The following FUT8 variants were observed in gnomAD, a reference collection of about 807,000 sequenced individuals.
FUT8 encodes the protein alpha-(1,6)-fucosyltransferase.
Under a neutral mutation model 71.3 loss-of-function variants are expected in FUT8, and 29 were observed. That is an observed-to-expected ratio of 0.41 (90% CI 0.30 to 0.55). The LOEUF (loss-of-function observed/expected upper bound fraction) is 0.55. FUT8 is among the 20% of genes least tolerant of loss of function. The pLI is 0.34. For synonymous variants in FUT8, 254 were observed against 239.3 expected (o/e 1.06, Z -0.57); for missense variants, 544 against 702.1 (o/e 0.77, Z 2.55).
At position 65,650,316 on chromosome 14, in the gene FUT8, A is replaced by C. The variant is rs542556448; in HGVS notation, c.598-18927A>C. 7.3e-3 allele frequency among the ~76,000 whole-genome samples: 1,086 copies of C among 149,566 alleles called. 18 individuals carry two copies. The highest frequency in any genetic ancestry group is 0.022 in the African/African-American group (906 of 40,860). Reference sequence around the variant, plus strand: ...TCTGTCTCAAAAAAAAAAAAAAAAAAAAAAAAAAAAACCTGAGACTGGGTA... The same window carrying C: ...TCTGTCTCAAAAAAAAAAAAAAAAACAAAAAAAAAAACCTGAGACTGGGTA... On this transcript the variant is annotated intron_variant, in intron 6 of 10. Coordinates refer to ENST00000673929, the MANE Select transcript of FUT8 (RefSeq NM_001371533.1).
chr14:65,677,681 A>T (rs924773233), intron 7 of FUT8, among the ~76,000 whole-genome samples: 6 of 149,760 alleles, frequency 4.0e-5, no homozygotes, highest in African/African-American at 1.0e-4. Context: ...AAGTTTCTTT[A>T]AAAAAAATGG....
chr14:65,376,152 T>C, the FUT8 span, among the ~76,000 whole-genome samples: 2 of 151,812 alleles, frequency 1.3e-5, no homozygotes, highest in Non-Finnish European at 2.9e-5. Context: ...CTGGAAAGCA[T>C]AGAGTAAAAC....
chr14:65,412,031 C>T, upstream of FUT8: 1 of 456,744 alleles, frequency 2.2e-6, no homozygotes, highest in Non-Finnish European at 4.4e-6. Context: ...TCCCCTCTCC[C>T]CGTGCTGTTC....
At chr14:65,614,598 G>A in intron 3 of FUT8, among the ~76,000 whole-genome samples, 1 of 152,250 alleles carries the variant, frequency 6.6e-6, no homozygotes. Context: ...TTGTTTGTTC[G>A]TTCGTTTGCC....
intron 1 of FUT8, among the ~76,000 whole-genome samples, chr14:65,430,747 A>G (rs930992031): frequency 1.3e-5 from 2 of 152,202 alleles, no homozygotes; most frequent in African/African-American, 4.8e-5. Context: ...GTAACATAGC[A>G]AAGAATAGAT....
chr14:65,422,384 A>G (rs1475464903), intron 1 of FUT8, among the ~76,000 whole-genome samples: 1 of 152,190 alleles, frequency 6.6e-6, no homozygotes, highest in African/African-American at 2.4e-5. Flanking sequence ...TCCTGCCTTT[A>G]ATCCTGGTGC....
At chr14:65,725,457 C>T (rs539392548) in intron 9 of FUT8, among the ~76,000 whole-genome samples, 1 of 152,292 alleles carries the variant, frequency 6.6e-6, no homozygotes, top group South Asian at 2.1e-4. Context: ...TGGAGTTAGT[C>T]TTTATTTACT....
chr14:65,699,867 G>A (rs781078944), intron 7 of FUT8, among the ~76,000 whole-genome samples: 1 of 152,070 alleles, frequency 6.6e-6, no homozygotes, highest in Non-Finnish European at 1.5e-5. Flanking sequence ...TACGTTCCAT[G>A]TAGTACTAAC....
intron 6 of FUT8, chr14:65,645,912 T>C (rs1891104637): frequency 6.6e-6 from 1 of 152,190 alleles, no homozygotes; most frequent in Non-Finnish European, 1.5e-5. Flanking sequence ...CATAAATATA[T>C]CTCTAAATCC....
In FUT8 at chr14:65,694,770, A is replaced by C. The variant is rs868167371; in HGVS notation, c.835+25290A>C. On this transcript the variant is annotated intron_variant, in intron 7 of 10. Coordinates refer to ENST00000673929, the MANE Select transcript of FUT8 (RefSeq NM_001371533.1). Reference sequence around the variant, plus strand: ...GACATGGATGAAATTGGAAATCATCATTCTCAGTAAACTATCGCAAGAACA... The same window carrying C: ...GACATGGATGAAATTGGAAATCATCCTTCTCAGTAAACTATCGCAAGAACA... Among the ~76,000 whole-genome samples, 39 of 151,750 alleles carry C rather than the reference A, an allele frequency of 2.6e-4. No homozygotes were observed. In the Middle Eastern group the frequency reaches 0.01, roughly 40 times the overall value.
At chr14:65,379,301 G>A in the FUT8 span, among the ~76,000 whole-genome samples, 167 of 152,134 alleles carry the variant, frequency 1.1e-3, 2 homozygotes, top group South Asian at 8.9e-3. Flanking sequence ...GGGCTGAGGC[G>A]AGCAGATCAC....
At chr14:65,431,504 G>A (rs766618305) in intron 1 of FUT8, among the ~76,000 whole-genome samples, 20 of 151,610 alleles carry the variant, frequency 1.3e-4, no homozygotes, top group Non-Finnish European at 2.4e-4. Context: ...GTAGAGGCTG[G>A]GTTTTGCCAC....
chr14:65,672,508 G>A (rs762098093), intron 7 of FUT8, among the ~76,000 whole-genome samples: 1 of 152,184 alleles, frequency 6.6e-6, no homozygotes, highest in Non-Finnish European at 1.5e-5. Context: ...CACCCAGGCT[G>A]GAGTGCGGGG....
chr14:65,682,921 T>G (rs887311520), intron 7 of FUT8, among the ~76,000 whole-genome samples: 1 of 152,184 alleles, frequency 6.6e-6, no homozygotes, highest in Non-Finnish European at 1.5e-5. Flanking sequence ...TGGTAGTGCT[T>G]TAGTTAAATA....
chr14:65,620,885 T>G (rs1889572318), intron 5 of FUT8, among the ~76,000 whole-genome samples: 1 of 152,252 alleles, frequency 6.6e-6, no homozygotes, highest in Non-Finnish European at 1.5e-5. Flanking sequence ...AATATTCATG[T>G]GCAAAGGGAT....
chr14:65,632,476 G>C (rs1439435894), intron 6 of FUT8, among the ~76,000 whole-genome samples: 1 of 152,176 alleles, frequency 6.6e-6, no homozygotes, highest in African/African-American at 2.4e-5. Flanking sequence ...CTGATCATTA[G>C]TGATGTTGAG....
intron 7 of FUT8, among the ~76,000 whole-genome samples, chr14:65,683,114 A>G (rs977667008): frequency 3.3e-5 from 5 of 151,838 alleles, no homozygotes; most frequent in African/African-American, 1.2e-4. Context: ...CCCAGGTTCA[A>G]GCGATTCTCC....
chr14:65,361,184 C>T, the FUT8 span, among the ~76,000 whole-genome samples: 1,451 of 151,678 alleles, frequency 9.6e-3, 25 homozygotes, highest in African/African-American at 0.033. Context: ...AGTGAAACCC[C>T]GTCTCTACTA....
intron 2 of FUT8, among the ~76,000 whole-genome samples, chr14:65,460,407 T>G (rs2065953846): frequency 6.6e-6 from 1 of 152,196 alleles, no homozygotes; most frequent in Non-Finnish European, 1.5e-5. Flanking sequence ...TGTAGCTCCT[T>G]TTAAAGATTG....
Sources: allele counts gnomAD v4.1 joint callset (sites outside exome capture counted in the v4.1 genomes callset), GRCh38; gene constraint gnomAD v4.1.1; transcripts MANE v1.5; gene names NCBI Gene and HGNC (gene_info 2026-07-23, HGNC 2026-07-21).